Variants in RNF38 observed in about 807,000 individuals in gnomAD.
RNF38 encodes the protein ring finger protein 38.
In RNF38, 15 loss-of-function variants were observed where a neutral mutation model predicts 67.2. The observed-to-expected ratio is 0.22, with a 90% CI of 0.15 to 0.34. The LOEUF (loss-of-function observed/expected upper bound fraction) is 0.34. RNF38 is among the 10% of genes least tolerant of loss of function. RNF38 has a pLI of 1.00. For missense variants in RNF38, 524 were observed against 639.9 expected (o/e 0.82, Z 1.95); for synonymous variants, 220 against 218.8 (o/e 1.01, Z -0.05).
chr9:36,365,202 T>C (rs375478502), intron 4 of RNF38, among the ~76,000 whole-genome samples: 1 of 144,162 alleles, frequency 6.9e-6, no homozygotes, highest in East Asian at 2.1e-4. Flanking sequence ...CTAATTCTAT[T>C]ATGTGCCGCT....
At chr9:36,426,186 T>C (rs773135821) in intron 1 of RNF38, among the ~76,000 whole-genome samples, 3 of 152,184 alleles carry the variant, frequency 2.0e-5, no homozygotes, top group Admixed American at 6.5e-5. Flanking sequence ...TAAACAAAAT[T>C]AGACACAATT....
intron 2 of RNF38, among the ~76,000 whole-genome samples, chr9:36,411,926 A>G (rs1422079514): frequency 1.3e-5 from 2 of 152,194 alleles, no homozygotes; most frequent in African/African-American, 4.8e-5. Flanking sequence ...ATGCTACAAC[A>G]TGGATAAACC....
upstream of RNF38, chr9:36,401,202 G>GCGGGA (rs1472897345): frequency 3.0e-5 from 28 of 948,674 alleles, no homozygotes; most frequent in Admixed American, 1.8e-3. Flanking sequence ...GGGGAAGGGG[G>GCGGGA]CGGGGCGGGG....
chr9:36,458,513 TCCTGAA>T (rs1285403126), intron 1 of RNF38, among the ~76,000 whole-genome samples: 1 of 152,154 alleles, frequency 6.6e-6, no homozygotes, highest in Non-Finnish European at 1.5e-5. Flanking sequence ...GCGGCTTCAT[TCCTGAA>T]GTCAGCGAGA....
At chr9:36,454,869 C>A (rs1353235127) in intron 1 of RNF38, among the ~76,000 whole-genome samples, 1 of 152,106 alleles carries the variant, frequency 6.6e-6, no homozygotes, top group Non-Finnish European at 1.5e-5. Context: ...AAGGCGTGAG[C>A]CACTGCACCC....
At chr9:36,485,291 AG>A (rs1282450745) in intron 1 of RNF38, among the ~76,000 whole-genome samples, 1 of 142,556 alleles carries the variant, frequency 7.0e-6, no homozygotes, top group Non-Finnish European at 1.5e-5. Context: ...CAAGTGTACA[AG>A]GATCTCTTAG....
rs576100161 is a variant in RNF38, at chr9:36,368,738, T to C, written c.570+981A>G. Among the ~76,000 whole-genome samples, 73 of 152,302 alleles carry C rather than the reference T, an allele frequency of 4.8e-4. 1 individual carries two copies. In the Middle Eastern group the frequency reaches 0.01, roughly 21 times the overall value. ...TTTTCTCAATTGTCACTATGTGTTA[T>C]TGTTTATTATCTAGTGCAGTAGATG... On this transcript the variant is annotated intron_variant, in intron 4 of 11. Coordinates refer to ENST00000259605, the MANE Select transcript of RNF38 (RefSeq NM_022781.5).
At chr9:36,466,697 C>T (rs1421202900) in intron 1 of RNF38, among the ~76,000 whole-genome samples, 1 of 152,074 alleles carries the variant, frequency 6.6e-6, no homozygotes, top group African/African-American at 2.4e-5. Flanking sequence ...ACTATGGTCC[C>T]ACTTTTTGTA....
chr9:36,458,995 G>A (rs1369171779), intron 1 of RNF38, among the ~76,000 whole-genome samples: 2 of 152,086 alleles, frequency 1.3e-5, no homozygotes, highest in African/African-American at 4.8e-5. Flanking sequence ...AGATCACGAG[G>A]TCAAGAGATT....
chr9:36,340,031 G>C (rs1241884022), intron 11 of RNF38, among the ~76,000 whole-genome samples: 1 of 151,944 alleles, frequency 6.6e-6, no homozygotes, highest in Non-Finnish European at 1.5e-5. Context: ...CCAGGCTGGA[G>C]TGCAATGGCA....
intron 8 of RNF38, among the ~76,000 whole-genome samples, chr9:36,351,657 G>A (rs1241218645): frequency 1.3e-5 from 2 of 152,096 alleles, no homozygotes; most frequent in African/African-American, 2.4e-5. Flanking sequence ...GAGGAAGGAA[G>A]GAAGGAAAAA....
intron 2 of RNF38, among the ~76,000 whole-genome samples, chr9:36,423,642 C>T (rs1438357375): frequency 8.6e-5 from 13 of 151,984 alleles, no homozygotes; most frequent in Non-Finnish European, 1.5e-5. Context: ...GGCCGTCAAG[C>T]GTACTGATGA....
intron 1 of RNF38, among the ~76,000 whole-genome samples, chr9:36,476,272 T>C (rs1478914559): frequency 1.3e-5 from 2 of 151,910 alleles, no homozygotes; most frequent in Admixed American, 6.6e-5. Flanking sequence ...GCACCCGCCA[T>C]CATGCCTGGC....
Position 36,345,784 on chromosome 9 carries a change from T to C in RNF38, c.1264-831A>G, listed in dbSNP as rs542653249. Reference sequence around the variant, plus strand: ...ATCCGTAACTTACCATGGCCTAATATGTCTCAAGACTCTTTTTCACTCTTA... The same window carrying C: ...ATCCGTAACTTACCATGGCCTAATACGTCTCAAGACTCTTTTTCACTCTTA... On this transcript the variant is annotated intron_variant, in intron 9 of 11. Coordinates refer to ENST00000259605, the MANE Select transcript of RNF38 (RefSeq NM_022781.5). 4.6e-5 allele frequency among the ~76,000 whole-genome samples: 7 copies of C among 151,930 alleles called. 1 individual carries two copies. In the South Asian group the frequency reaches 1.6e-3, roughly 34 times the overall value.
upstream of RNF38, chr9:36,400,669 G>C: frequency 1.0e-6 from 1 of 985,766 alleles, no homozygotes; most frequent in Non-Finnish European, 1.2e-6. Context: ...CGCCGTCCGC[G>C]GGCCTCCTCA....
intron 2 of RNF38, among the ~76,000 whole-genome samples, chr9:36,413,194 C>T (rs899392762): frequency 6.6e-6 from 1 of 151,412 alleles, no homozygotes; most frequent in Non-Finnish European, 1.5e-5. Context: ...TGCGCCATTG[C>T]ACTCCAGCCT....
At chr9:36,467,244 T>TAC (rs966182551) in intron 1 of RNF38, among the ~76,000 whole-genome samples, 44 of 87,724 alleles carry the variant, frequency 5.0e-4, no homozygotes, top group African/African-American at 8.6e-4. Context: ...TATATATATA[T>TAC]ACACACACAC....
intron 1 of RNF38, among the ~76,000 whole-genome samples, chr9:36,427,722 T>C (rs1838813722): frequency 6.6e-6 from 1 of 150,694 alleles, no homozygotes; most frequent in Admixed American, 6.6e-5. Flanking sequence ...TATCTATTAA[T>C]TTATTTGAGA....
At chr9:36,357,109 T>TA (rs1478255690) in intron 5 of RNF38, among the ~76,000 whole-genome samples, 1 of 152,130 alleles carries the variant, frequency 6.6e-6, no homozygotes, top group Admixed American at 6.6e-5. Flanking sequence ...TGACCTTAGA[T>TA]ACATCATTTA....
Sources: gnomAD v4.1 joint callset for allele counts (sites outside exome capture counted in the v4.1 genomes callset) on GRCh38, gnomAD v4.1.1 for gene constraint, MANE v1.5 for transcripts, NCBI Gene and HGNC (gene_info 2026-07-23, HGNC 2026-07-21) for gene names.